Variants in ARHGEF3 observed in about 807,000 individuals in gnomAD.
The protein encoded by ARHGEF3 is 59.8 kDA protein.
A neutral mutation model predicts 63.2 loss-of-function variants in ARHGEF3; 28 were observed. That is an observed-to-expected ratio of 0.44 (90% confidence interval 0.33 to 0.61). The LOEUF (loss-of-function observed/expected upper bound fraction) is 0.61, where lower values mean the gene tolerates loss of function less well. ARHGEF3 is among the 20% of genes least tolerant of loss of function. The pLI is 0.03. For missense variants in ARHGEF3, 533 were observed against 659.3 expected (o/e 0.81, Z 2.10); for synonymous variants, 266 against 254.2 (o/e 1.05, Z -0.44).
rs1035540862 is a variant in ARHGEF3, at chr3:56,773,822, G to C, written c.97-6C>G. On this transcript the variant is annotated splice_polypyrimidine_tract_variant and splice_region_variant and intron_variant, in intron 1 of 9. Coordinates refer to ENST00000296315, the MANE Select transcript of ARHGEF3 (RefSeq NM_019555.3). ...ACCCGTTTATTACTAGGCTCCTATA[G>C]AGTTAAAAAAAAAAAAAAGTAAAAT... 1.3e-6 allele frequency: 2 copies of C among 1,557,504 alleles called. No individual in the cohort carries two copies. Among genetic ancestry groups the C allele is most frequent in the African/African-American group, 1.4e-5 (1 of 70,418 alleles).
At chr3:57,010,145 C>T (rs569265462) in intron 2 of ARHGEF3, among the ~76,000 whole-genome samples, 49 of 152,270 alleles carry the variant, frequency 3.2e-4, no homozygotes, top group African/African-American at 1.2e-3. Flanking sequence ...GTCTTCTATA[C>T]CCTCTTCCAT....
chr3:56,979,788 A>G (rs4446188), intron 2 of ARHGEF3, among the ~76,000 whole-genome samples: 117,473 of 152,122 alleles, frequency 0.77, 46,392 homozygotes, highest in Middle Eastern at 0.86. Context: ...AAAATGGGGA[A>G]AATAATTGTA....
rs1700730463 is a variant in ARHGEF3, at chr3:56,968,253, TAATATTTAA to T, written c.63-9373_63-9365del. Among the ~76,000 whole-genome samples the T allele has an allele frequency of 1.3e-4, 6 of 44,906 alleles. 1 individual carries two copies. Among genetic ancestry groups the T allele is most frequent in the Admixed American group, 4.6e-4 (1 of 2,154 alleles). The allele number at this position is 44,906 out of a possible 152,430, so 29.5% of individuals were successfully genotyped here. On this transcript the variant is annotated intron_variant, in intron 2 of 12. Coordinates refer to the ARHGEF3 transcript ENST00000338458. ...ATATATAAATATATATATTAATATA[TAATATTTAA>T]ATATATAATATATAAAATATATATA...
intron 2 of ARHGEF3, among the ~76,000 whole-genome samples, chr3:57,003,401 C>CAA (rs60214570): frequency 0.021 from 898 of 43,598 alleles, 95 homozygotes; most frequent in Middle Eastern, 0.08. Context: ...GACGCCGTCT[C>CAA]AAAAAAAAAA....
intron 4 of ARHGEF3, among the ~76,000 whole-genome samples, chr3:56,825,924 T>C (rs1481259455): frequency 6.6e-6 from 1 of 152,208 alleles, no homozygotes; most frequent in African/African-American, 2.4e-5. Flanking sequence ...GGAGTACATG[T>C]GACTCAGGAC....
intron 3 of ARHGEF3, among the ~76,000 whole-genome samples, chr3:56,903,129 A>G (rs1232317902): frequency 6.6e-6 from 1 of 152,142 alleles, no homozygotes; most frequent in Non-Finnish European, 1.5e-5. Context: ...TTTCCTGGTG[A>G]CAAAGACTTC....
intron 2 of ARHGEF3, among the ~76,000 whole-genome samples, chr3:56,755,902 A>G (rs2035043044): frequency 6.6e-6 from 1 of 152,192 alleles, no homozygotes; most frequent in Non-Finnish European, 1.5e-5. Flanking sequence ...ATACTGCTTG[A>G]GCCTCTGGAT....
intron 2 of ARHGEF3, among the ~76,000 whole-genome samples, chr3:57,005,463 A>T (rs566237367): frequency 1.7e-4 from 26 of 152,298 alleles, no homozygotes; most frequent in Middle Eastern, 3.4e-3. Context: ...ACACAGTCAA[A>T]TCAAACAAGG....
At chr3:56,744,836 G>C (rs2107732678) in intron 7 of ARHGEF3, among the ~76,000 whole-genome samples, 1 of 151,962 alleles carries the variant, frequency 6.6e-6, no homozygotes. Context: ...ATGAGTTTTG[G>C]GGCTAGGCTA....
chr3:56,807,572 C>T (rs2107991940), intron 4 of ARHGEF3, among the ~76,000 whole-genome samples: 1 of 152,210 alleles, frequency 6.6e-6, no homozygotes, highest in Non-Finnish European at 1.5e-5. Flanking sequence ...GTTGCAACAC[C>T]TTTCCCCTCC....
Position 57,067,335 on chromosome 3 carries a change from C to G in ARHGEF3, c.-28+11891G>C, listed in dbSNP as rs558749815. 2.8e-4 allele frequency among the ~76,000 whole-genome samples: 42 copies of G among 151,556 alleles called. No homozygotes were observed. The South Asian group carries it at 6.2e-3, about 23-fold the overall frequency. On this transcript the variant is annotated intron_variant, in intron 1 of 12. Coordinates refer to the ARHGEF3 transcript ENST00000338458. ...CCGGGCGTGGTGGCGGGCGCCTGTA[C>G]TCCCAGTTACTCGGGAGGCTGAGGC...
chr3:56,943,386 C>T (rs1578902608), intron 3 of ARHGEF3, among the ~76,000 whole-genome samples: 2 of 152,216 alleles, frequency 1.3e-5, no homozygotes, highest in African/African-American at 4.8e-5. Flanking sequence ...GGCAGCACAT[C>T]TGTTTGCAGG....
intron 4 of ARHGEF3, among the ~76,000 whole-genome samples, chr3:56,874,319 C>T (rs1367845519): frequency 1.3e-5 from 2 of 152,156 alleles, no homozygotes; most frequent in African/African-American, 2.4e-5. Context: ...GGCCTGGTCT[C>T]CTCGGTGATA....
intron 1 of ARHGEF3, among the ~76,000 whole-genome samples, chr3:57,048,377 G>A (rs931361013): frequency 1.3e-5 from 2 of 152,278 alleles, no homozygotes; most frequent in African/African-American, 4.8e-5. Context: ...AACTGGGGAG[G>A]CACTTCTTCC....
chr3:56,923,060 ATATATATATAT>A (rs1560053849), intron 3 of ARHGEF3, among the ~76,000 whole-genome samples: 14 of 14,908 alleles, frequency 9.4e-4, no homozygotes, highest in African/African-American at 1.9e-3. Flanking sequence ...ATATATATAT[ATATATATATAT>A]ATATAAATTA....
At chr3:56,862,038 A>C (rs2040092165) in intron 4 of ARHGEF3, among the ~76,000 whole-genome samples, 1 of 152,166 alleles carries the variant, frequency 6.6e-6, no homozygotes, top group East Asian at 1.9e-4. Context: ...TCTGCTACAA[A>C]GGCAAAAACA....
At chr3:56,803,404 A>G (rs2037746582), upstream of ARHGEF3, among the ~76,000 whole-genome samples, 1 of 151,824 alleles carries the variant, frequency 6.6e-6, no homozygotes, top group Non-Finnish European at 1.5e-5. Flanking sequence ...ATACCACTGC[A>G]CTCCAGCCTG....
chr3:56,801,831 C>A lies in ARHGEF3; in HGVS notation c.-33G>T, dbSNP rs1353619764. ...GCCGGGCCTGCCCTTTGGGATGTCA[C>A]CGCTGACCCTAGGCGACTACAAAAC... On this transcript the variant is annotated 5_prime_UTR_variant, in exon 1 of 10. Coordinates refer to ENST00000296315, the MANE Select transcript of ARHGEF3 (RefSeq NM_019555.3). 30 of 1,552,692 alleles carry A rather than the reference C, an allele frequency of 1.9e-5. No individual in the cohort carries two copies. Among genetic ancestry groups the A allele is most frequent in the Non-Finnish European group, 2.5e-5 (29 of 1,147,432 alleles).
chr3:56,783,361 G>A (rs1261671963), intron 1 of ARHGEF3, among the ~76,000 whole-genome samples: 4 of 152,232 alleles, frequency 2.6e-5, no homozygotes, highest in Admixed American at 6.5e-5. Flanking sequence ...GGGGGTAGGC[G>A]GCAAGCGAGA....
Sources: allele counts gnomAD v4.1 joint callset (sites outside exome capture counted in the v4.1 genomes callset), GRCh38; gene constraint gnomAD v4.1.1; transcripts MANE v1.5; gene names NCBI Gene and HGNC (gene_info 2026-07-23, HGNC 2026-07-21).